The following GPD1L variants were observed in gnomAD, a reference collection of about 807,000 sequenced individuals.
GPD1L encodes the protein glycerol-3-phosphate dehydrogenase 1-like protein.
Under a neutral mutation model 32.9 loss-of-function variants are expected in GPD1L, and 17 were observed. The ratio of observed to expected loss-of-function variants is 0.52; its 90% CI spans 0.35 to 0.78. The LOEUF (loss-of-function observed/expected upper bound fraction) is 0.78. Ranked by LOEUF, GPD1L falls within the 30% of genes least tolerant of loss-of-function variation. GPD1L has a pLI of 0.01. For synonymous variants in GPD1L, 187 were observed against 165.9 expected, an observed-to-expected ratio of 1.13 and a Z score of -0.98; for missense variants, 361 against 447.8, an observed-to-expected ratio of 0.81 and a Z score of 1.75.
intron 7 of GPD1L, among the ~76,000 whole-genome samples, chr3:32,160,832 C>G (rs1701064793): frequency 6.6e-6 from 1 of 152,212 alleles, no homozygotes; most frequent in Non-Finnish European, 1.5e-5. Flanking sequence ...AGCACTTTCT[C>G]TTGCCGATTT....
intron 4 of GPD1L, among the ~76,000 whole-genome samples, chr3:32,142,979 T>C (rs1700769286): frequency 6.6e-6 from 1 of 151,836 alleles, no homozygotes; most frequent in East Asian, 1.9e-4. Context: ...GAGTTTGAAA[T>C]CACCCTGGGA....
chr3:32,111,746 G>C (rs1213556475), intron 1 of GPD1L, among the ~76,000 whole-genome samples: 1 of 151,820 alleles, frequency 6.6e-6, no homozygotes, highest in African/African-American at 2.4e-5. Context: ...CATTTTCTCT[G>C]ATACCGAAGG....
At chr3:32,130,621 G>A (rs1700573920) in intron 2 of GPD1L, among the ~76,000 whole-genome samples, 3 of 152,162 alleles carry the variant, frequency 2.0e-5, no homozygotes, top group African/African-American at 7.2e-5. Flanking sequence ...CTCACTAAAA[G>A]CTGAGCCCGT....
At chr3:32,114,790 C>T (rs9859518) in intron 1 of GPD1L, among the ~76,000 whole-genome samples, 62,351 of 151,586 alleles carry the variant, frequency 0.41, 14,507 homozygotes, top group East Asian at 0.64. Context: ...TTCTTCCTTC[C>T]AGTGGGTTCG....
At position 32,165,873 on chromosome 3, in the gene GPD1L, TG is replaced by T. The variant is rs2125501532; in HGVS notation, c.1020del (p.Met340IlefsTer60). On this transcript the variant is annotated frameshift_variant, in exon 8 of 8. Coordinates refer to ENST00000282541, the MANE Select transcript of GPD1L (RefSeq NM_015141.4). LOFTEE classifies it high-confidence loss of function. ...ICYESRPVQE[M>X]LSCLQSHPEH... ...TACGAAAGCAGACCAGTTCAAGAGA[TG>T]TTGTCTTGTCTTCAGAGCCATCCAG... 1 of 1,606,678 alleles carries T rather than the reference TG, an allele frequency of 6.2e-7. No individual in the cohort carries two copies. Among genetic ancestry groups the T allele is most frequent in the East Asian group, 2.2e-5 (1 of 44,840 alleles).
chr3:32,160,932 C>G (rs896116013), intron 7 of GPD1L, among the ~76,000 whole-genome samples: 1 of 152,210 alleles, frequency 6.6e-6, no homozygotes, highest in Non-Finnish European at 1.5e-5. Flanking sequence ...ATCCTTAACT[C>G]TCCCGTAATA....
At chr3:32,119,361 G>C (rs1486430667) in intron 1 of GPD1L, among the ~76,000 whole-genome samples, 1 of 152,112 alleles carries the variant, frequency 6.6e-6, no homozygotes, top group Non-Finnish European at 1.5e-5. Context: ...CAATCATATG[G>C]TATGTACAAT....
chr3:32,118,168 G>A (rs969757635), intron 1 of GPD1L, among the ~76,000 whole-genome samples: 1 of 152,046 alleles, frequency 6.6e-6, no homozygotes, highest in Non-Finnish European at 1.5e-5. Context: ...TTTGGATTCG[G>A]GGTCTGTTAA....
At chr3:32,157,648 C>T (rs1008036617) in intron 5 of GPD1L, among the ~76,000 whole-genome samples, 1 of 152,156 alleles carries the variant, frequency 6.6e-6, no homozygotes, top group African/African-American at 2.4e-5. Context: ...TATTTGTACA[C>T]GTTTTATTTT....
In GPD1L at chr3:32,156,200, C is replaced by G. The variant is rs529557259; in HGVS notation, c.619-2676C>G. On this transcript the variant is annotated intron_variant, in intron 5 of 7. Transcript: ENST00000282541. ...TGCCTGTTGCTGAGAGTGTGTAAGC[C>G]GGGAATTACACACTGATGAGAACTG... is the stretch of plus-strand genomic sequence containing the variant. Among the ~76,000 whole-genome samples, 259 of 152,232 alleles carry G rather than the reference C, an allele frequency of 1.7e-3. 1 individual carries two copies. In the Middle Eastern group the frequency reaches 0.027, roughly 16 times the overall value.
chr3:32,116,721 A>G (rs1264201019), intron 1 of GPD1L, among the ~76,000 whole-genome samples: 1 of 152,206 alleles, frequency 6.6e-6, no homozygotes, highest in African/African-American at 2.4e-5. Context: ...CCAAAGGAGA[A>G]CCCATCTGTG....
intron 4 of GPD1L, among the ~76,000 whole-genome samples, chr3:32,144,184 T>C (rs991202327): frequency 5.9e-5 from 9 of 152,210 alleles, no homozygotes; most frequent in Non-Finnish European, 1.2e-4. Flanking sequence ...TGTTGATGCA[T>C]AGGGACTATT....
At chr3:32,159,815 G>A (rs1701051846) in intron 7 of GPD1L, 141 bp downstream of exon 7, 4 of 695,538 alleles carry the variant, frequency 5.8e-6, no homozygotes, top group Non-Finnish European at 1.1e-5. Context: ...TTTGTGTGAT[G>A]TGAACGTCTG....
At chr3:32,146,152 T>A (rs1030541606) in intron 4 of GPD1L, among the ~76,000 whole-genome samples, 2 of 150,506 alleles carry the variant, frequency 1.3e-5, no homozygotes, top group African/African-American at 4.9e-5. Flanking sequence ...AGTGGTGAGA[T>A]CTCAGCTCAC....
chr3:32,161,265 A>T (rs9853070), intron 7 of GPD1L, among the ~76,000 whole-genome samples: 77,555 of 151,906 alleles, frequency 0.51, 21,027 homozygotes, highest in African/African-American at 0.69. Flanking sequence ...CTTACCTTTT[A>T]AATTTGCACT....
chr3:32,107,634 T>A (rs1043110799), intron 1 of GPD1L, among the ~76,000 whole-genome samples: 6 of 152,136 alleles, frequency 3.9e-5, no homozygotes, highest in African/African-American at 1.4e-4. Context: ...GTCCTTTCAG[T>A]GCTTCTGTTT....
Position 32,146,752 on chromosome 3 carries a change from G to C in GPD1L, c.618+18G>C, listed in dbSNP as rs1700832993. The C allele has an allele frequency of 7.1e-7, 1 of 1,416,848 alleles. No homozygotes were observed. The highest frequency in any genetic ancestry group is 1.1e-5 in the South Asian group (1 of 87,178). 87.8% of individuals were successfully genotyped at this position (1,416,848 alleles called of 1,614,324 possible). A position where few individuals can be genotyped will look rare whatever the true frequency, so the allele number is the denominator to read the frequency against. ...CGCTTAAGGTAAAGTCAGCCTCAGG[G>C]GAGGAGTTCATCAAGCAAGGCAAAT... On this transcript the variant is annotated intron_variant, in intron 5 of 7. Transcript: ENST00000282541.
chr3:32,147,132 T>C (rs1700841924), intron 5 of GPD1L, among the ~76,000 whole-genome samples: 1 of 152,192 alleles, frequency 6.6e-6, no homozygotes, highest in South Asian at 2.1e-4. Context: ...CTCTACTAGT[T>C]TGGCTGGTTG....
At chr3:32,123,201 C>G (rs549634403) in intron 1 of GPD1L, among the ~76,000 whole-genome samples, 1 of 152,256 alleles carries the variant, frequency 6.6e-6, no homozygotes, top group South Asian at 2.1e-4. Flanking sequence ...TGTGTCCAGC[C>G]TAAATGTTTA....
Sources: gnomAD v4.1 joint callset for allele counts (sites outside exome capture counted in the v4.1 genomes callset) on GRCh38, gnomAD v4.1.1 for gene constraint, MANE v1.5 for transcripts, NCBI Gene and HGNC (gene_info 2026-07-23, HGNC 2026-07-21) for gene names.